The following SHANK2 variants were observed in gnomAD, a reference collection of about 807,000 sequenced individuals.
SHANK2 encodes the protein SH3 and multiple ankyrin repeat domains protein 2.
A neutral mutation model predicts 133.7 loss-of-function variants in SHANK2; 43 were observed. The observed-to-expected ratio is 0.32, with a 90% CI of 0.25 to 0.41. SHANK2 has a LOEUF of 0.41. Ranked by LOEUF, SHANK2 falls within the 10% of genes least tolerant of loss-of-function variation. The pLI, the probability that SHANK2 is intolerant of heterozygous loss-of-function variation, is 1.00. For missense variants in SHANK2, 1,994 were observed against 2,235.8 expected (o/e 0.89, Z 2.18); for synonymous variants, 1,017 against 952.8 (o/e 1.07, Z -1.24).
rs2135548720 is a variant in SHANK2, at chr11:70,873,196, T to TATA, written c.1174+23304_1174+23305insTAT. 6 of 454,964 alleles carry TATA rather than the reference T, an allele frequency of 1.3e-5. No homozygotes were observed. The East Asian group carries it at 4.3e-4, about 32-fold the overall frequency. 28.2% of individuals were successfully genotyped at this position (454,964 alleles called of 1,614,324 possible). On this transcript the variant is annotated intron_variant, in intron 11 of 25. Coordinates refer to ENST00000601538, the MANE Select transcript of SHANK2 (RefSeq NM_012309.5). ...TGGCATCCCAGCACTCAGAGGCTATTCTCAGACACTAAACAATGAGTTTTG... is the reference window on the plus strand; with the variant it reads ...TGGCATCCCAGCACTCAGAGGCTATTATACTCAGACACTAAACAATGAGTTTTG...
rs949363389 is a variant in SHANK2 at position 70,826,151 on chromosome 11, C to T, written c.1175-5469G>A. On this transcript the variant is annotated intron_variant, in intron 11 of 25. Transcript: ENST00000601538. ...TCACTGAGGACTATAGTCAAAACTT[C>T]CTTTATTTTCCCTAGGACTTAGTTC... Among the ~76,000 whole-genome samples the T allele has an allele frequency of 2.6e-5, 4 of 152,306 alleles. No individual in the cohort carries two copies. The East Asian group carries it at 7.7e-4, about 29-fold the overall frequency.
chr11:71,234,548 G>C (rs573287653), intron 1 of SHANK2, among the ~76,000 whole-genome samples: 1 of 152,016 alleles, frequency 6.6e-6, no homozygotes, highest in Non-Finnish European at 1.5e-5. Context: ...GGTCCTCCAC[G>C]TGCTGGACTC....
chr11:70,643,784 G>A (rs1236628519), intron 17 of SHANK2, among the ~76,000 whole-genome samples: 1 of 152,164 alleles, frequency 6.6e-6, no homozygotes, highest in Non-Finnish European at 1.5e-5. Flanking sequence ...GAGCAAGAAA[G>A]ACAGTCTTTG....
chr11:70,515,581 T>A (rs916625283), intron 17 of SHANK2, among the ~76,000 whole-genome samples: 2 of 146,842 alleles, frequency 1.4e-5, no homozygotes, highest in Admixed American at 1.4e-4. Flanking sequence ...GTGGGACGAT[T>A]GCTTGAAGCC....
intron 17 of SHANK2, among the ~76,000 whole-genome samples, chr11:70,506,603 C>T (rs2059140363): frequency 6.6e-6 from 1 of 152,168 alleles, no homozygotes; most frequent in South Asian, 2.1e-4. Context: ...CCAGGTCTTT[C>T]GGGGTCATGA....
chr11:70,664,119 G>T (rs527793), intron 15 of SHANK2, among the ~76,000 whole-genome samples: 19,419 of 152,206 alleles, frequency 0.13, 1,567 homozygotes, highest in East Asian at 0.39. Flanking sequence ...GGGCTCTACT[G>T]CCATGGATTT....
At chr11:70,909,618 T>C (rs1950158901) in intron 10 of SHANK2, among the ~76,000 whole-genome samples, 1 of 152,084 alleles carries the variant, frequency 6.6e-6, no homozygotes, top group African/African-American at 2.4e-5. Context: ...CTTCATTGCA[T>C]AAAGGAAGGC....
At chr11:71,219,147 G>A (rs1163890992) in intron 2 of SHANK2, among the ~76,000 whole-genome samples, 4 of 152,178 alleles carry the variant, frequency 2.6e-5, no homozygotes, top group African/African-American at 9.7e-5. Context: ...GAGAAAAGTG[G>A]CATGGTTCTA....
intron 17 of SHANK2, among the ~76,000 whole-genome samples, chr11:70,539,746 G>C (rs371260250): frequency 3.9e-5 from 6 of 152,310 alleles, no homozygotes; most frequent in African/African-American, 1.2e-4. Context: ...CAGCAGGCTG[G>C]GGTTTCCAGG....
At chr11:70,926,930 G>A (rs545437959) in intron 10 of SHANK2, among the ~76,000 whole-genome samples, 1 of 152,174 alleles carries the variant, frequency 6.6e-6, no homozygotes, top group Non-Finnish European at 1.5e-5. Flanking sequence ...CGAGCTGGAG[G>A]AGGCATCTGA....
In SHANK2 at chr11:70,473,495, C is replaced by G. The variant is rs2058624287; in HGVS notation, c.4980-56G>C. 14 of 1,572,470 alleles carry G rather than the reference C, an allele frequency of 8.9e-6. No homozygotes were observed. The South Asian group carries it at 1.4e-4, about 16-fold the overall frequency. On this transcript the variant is annotated intron_variant, in intron 25 of 25. Coordinates refer to ENST00000601538, the MANE Select transcript of SHANK2 (RefSeq NM_012309.5). The surrounding 1 kb of genome is among the most constrained non-coding windows in gnomAD (Gnocchi z 5.9). ...AAGGCAGGTCACCGAGTCAGGGCAG[C>G]TGGCTGCAGATCACCCAGGAAGGCG...
intron 2 of SHANK2, among the ~76,000 whole-genome samples, chr11:71,214,940 C>T (rs1954374237): frequency 3.9e-5 from 6 of 152,342 alleles, no homozygotes; most frequent in African/African-American, 1.4e-4. Context: ...ACACATCCTC[C>T]TCTCGGCAGG....
At chr11:71,247,959 C>T (rs1954983880) in intron 1 of SHANK2, among the ~76,000 whole-genome samples, 1 of 152,248 alleles carries the variant, frequency 6.6e-6, no homozygotes, top group Non-Finnish European at 1.5e-5. Flanking sequence ...CAGCAAACTC[C>T]TGGCAGCCCC....
Position 71,225,843 on chromosome 11 carries a change from G to A in SHANK2, c.-112-1047C>T, listed in dbSNP as rs367638783. Among the ~76,000 whole-genome samples, 105 of 152,346 alleles carry A rather than the reference G, an allele frequency of 6.9e-4. 2 individuals are homozygous for A. In the South Asian group the frequency reaches 0.021, roughly 31 times the overall value. On this transcript the variant is annotated intron_variant, in intron 1 of 25. Coordinates refer to ENST00000601538, the MANE Select transcript of SHANK2 (RefSeq NM_012309.5). The stretch of plus-strand genomic sequence containing the variant: ...GAATCAAGTGAAAATGATAGAACTG[G>A]CCGGGCACGGTGGCTCATGCCTGTA...
intron 14 of SHANK2, among the ~76,000 whole-genome samples, chr11:70,788,441 G>A (rs1446211496): frequency 6.6e-6 from 1 of 152,168 alleles, no homozygotes; most frequent in Non-Finnish European, 1.5e-5. Context: ...GCGTGATGTC[G>A]AGTGCCGTTC....
chr11:71,183,972 C>T (rs1565500736), intron 2 of SHANK2, among the ~76,000 whole-genome samples: 2 of 152,290 alleles, frequency 1.3e-5, no homozygotes, highest in East Asian at 1.9e-4. Context: ...GTGTGTTCTA[C>T]GCTTGTACTT....
At chr11:70,508,755 G>C (rs1444596487) in intron 17 of SHANK2, among the ~76,000 whole-genome samples, 1 of 152,140 alleles carries the variant, frequency 6.6e-6, no homozygotes, top group East Asian at 1.9e-4. Flanking sequence ...CAGGTGTACT[G>C]GTGTGTGCCT....
intron 14 of SHANK2, among the ~76,000 whole-genome samples, chr11:70,733,706 G>A (rs1295404996): frequency 6.6e-6 from 1 of 152,230 alleles, no homozygotes; most frequent in African/African-American, 2.4e-5. Context: ...ATGGAGAGGG[G>A]GGTGGCAGGT....
At chr11:71,145,496 C>T (rs1952626539) in intron 3 of SHANK2, among the ~76,000 whole-genome samples, 1 of 152,214 alleles carries the variant, frequency 6.6e-6, no homozygotes, top group Non-Finnish European at 1.5e-5. Context: ...TTAGTCCCCT[C>T]AGCCCAGTTA....
Sources: allele counts gnomAD v4.1 joint callset (sites outside exome capture counted in the v4.1 genomes callset), GRCh38; gene constraint gnomAD v4.1.1; non-coding constraint Gnocchi (gnomAD v3.1); transcripts MANE v1.5; gene names NCBI Gene and HGNC (gene_info 2026-07-23, HGNC 2026-07-21).